Variants in CADPS2 observed in about 807,000 individuals in gnomAD.
CADPS2 encodes calcium dependent secretion activator 2.
CADPS2 carries 93 observed loss-of-function variants against 172.5 expected under a neutral mutation model. The observed-to-expected ratio is 0.54, with a 90% CI of 0.46 to 0.64. The LOEUF is 0.64. CADPS2 is among the 30% of genes least tolerant of loss of function. The probability of loss-of-function intolerance (pLI) is 0.00; values close to 1 mark genes in which losing one functional copy is unlikely to be tolerated. For missense variants in CADPS2, 1,420 were observed against 1,565.9 expected (o/e 0.91, Z 1.57); for synonymous variants, 546 against 555.2 (o/e 0.98, Z 0.23).
intron 8 of CADPS2, among the ~76,000 whole-genome samples, chr7:122,532,407 G>T (rs1051217197): frequency 6.2e-4 from 95 of 152,220 alleles, no homozygotes; most frequent in African/African-American, 2.0e-3. Flanking sequence ...TTTTTAAAGA[G>T]TTGGAAATAA....
At chr7:122,555,738 A>G (rs2064957621) in intron 7 of CADPS2, among the ~76,000 whole-genome samples, 1 of 152,142 alleles carries the variant, frequency 6.6e-6, no homozygotes, top group Non-Finnish European at 1.5e-5. Context: ...TAACAAAACT[A>G]AGTCCAGTCT....
chr7:122,434,045 A>T (rs1454318609), intron 17 of CADPS2, among the ~76,000 whole-genome samples: 2 of 152,204 alleles, frequency 1.3e-5, no homozygotes, highest in Admixed American at 6.5e-5. Flanking sequence ...CTGGAAAGCC[A>T]CGAACAACCC....
intron 9 of CADPS2, among the ~76,000 whole-genome samples, chr7:122,507,097 A>G (rs74823805): frequency 0.013 from 1,916 of 152,264 alleles, 45 homozygotes; most frequent in African/African-American, 0.04. Context: ...TAATAAACAT[A>G]TAAATGTAAA....
intron 2 of CADPS2, among the ~76,000 whole-genome samples, chr7:122,710,398 A>G (rs1022315544): frequency 6.6e-6 from 1 of 152,122 alleles, no homozygotes; most frequent in African/African-American, 2.4e-5. Context: ...ACAGTGTATT[A>G]AAGCACCAGG....
chr7:122,381,443 C>T (rs1585444654), intron 24 of CADPS2, among the ~76,000 whole-genome samples: 1 of 152,084 alleles, frequency 6.6e-6, no homozygotes, highest in African/African-American at 2.4e-5. Flanking sequence ...CATGCCTTAT[C>T]CCCAATGTTT....
chr7:122,623,816 A>G (rs1162005956), intron 4 of CADPS2, among the ~76,000 whole-genome samples: 1 of 152,210 alleles, frequency 6.6e-6, no homozygotes, highest in African/African-American at 2.4e-5. Flanking sequence ...TTTAACAAAG[A>G]AAAAGGCGAG....
At position 122,391,093 on chromosome 7, in the gene CADPS2, A is replaced by G. The variant is rs138836229; in HGVS notation, c.3008+2103T>C. 3.3e-3 allele frequency among the ~76,000 whole-genome samples: 499 copies of G among 152,206 alleles called. 3 individuals carry two copies. Among genetic ancestry groups the G allele is most frequent in the African/African-American group, 0.011 (466 of 41,560 alleles). On this transcript the variant is annotated intron_variant, in intron 22 of 29. Transcript: ENST00000449022. ...TTGTATTTTTAATTCTTTATGTTAA[A>G]TATAAATGTTTCTTTTTATTAATGT...
chr7:122,549,435 T>C (rs899605084), intron 8 of CADPS2, among the ~76,000 whole-genome samples: 2 of 151,956 alleles, frequency 1.3e-5, no homozygotes, highest in African/African-American at 4.8e-5. Context: ...CTCAAGACAT[T>C]CGTGTGATTG....
chr7:122,762,981 C>A (rs891559253), intron 1 of CADPS2, among the ~76,000 whole-genome samples: 18 of 151,934 alleles, frequency 1.2e-4, no homozygotes, highest in Non-Finnish European at 2.5e-4. Context: ...AGGAGGCCTG[C>A]GAAGGTGACC....
intron 1 of CADPS2, among the ~76,000 whole-genome samples, chr7:122,788,477 C>T (rs796129306): frequency 3.7e-4 from 57 of 152,306 alleles, no homozygotes; most frequent in African/African-American, 1.3e-3. Flanking sequence ...AATTGTGTGA[C>T]CCATTGACAC....
chr7:122,858,475 T>C (rs1387994863), intron 1 of CADPS2, among the ~76,000 whole-genome samples: 2 of 152,150 alleles, frequency 1.3e-5, no homozygotes, highest in African/African-American at 4.8e-5. Context: ...ACACCATCAT[T>C]TATAAACTGT....
intron 1 of CADPS2, among the ~76,000 whole-genome samples, chr7:122,834,243 T>C (rs1807532919): frequency 1.3e-5 from 2 of 152,148 alleles, no homozygotes; most frequent in Non-Finnish European, 2.9e-5. Flanking sequence ...AAGCCTAACC[T>C]TTGGGAAATT....
chr7:122,663,686 T>G (rs2080863135), intron 2 of CADPS2, 117 bp from the exon 3 acceptor site: 1 of 718,706 alleles, frequency 1.4e-6, no homozygotes, highest in Middle Eastern at 2.5e-4. Flanking sequence ...AGCCAAATAC[T>G]CCACAATGAT....
intron 14 of CADPS2, among the ~76,000 whole-genome samples, chr7:122,455,785 C>A (rs1297890441): frequency 1.3e-5 from 2 of 152,142 alleles, no homozygotes; most frequent in Non-Finnish European, 2.9e-5. Context: ...CAGCTCACTG[C>A]AAACTCCACC....
At chr7:122,517,946 C>CT (rs1386176452) in intron 8 of CADPS2, among the ~76,000 whole-genome samples, 2 of 151,974 alleles carry the variant, frequency 1.3e-5, no homozygotes, top group African/African-American at 4.8e-5. Flanking sequence ...CTTGGCATTG[C>CT]TGTTGAATTA....
At chr7:122,813,375 AT>A (rs933303859) in intron 1 of CADPS2, among the ~76,000 whole-genome samples, 3 of 152,104 alleles carry the variant, frequency 2.0e-5, no homozygotes, top group East Asian at 1.9e-4. Context: ...CAGTAATTAT[AT>A]TTTTTAATTA....
Position 122,554,556 on chromosome 7 carries a change from T to C in CADPS2, c.1469A>G (p.His490Arg). The change falls in exon 8 of 30, where the codon CAT becomes CGT. Residue 490 changes from histidine to arginine, a missense_variant. Transcript: ENST00000449022. The part of the protein sequence containing the change: ...VRMDKPAHMK[H>R]SGYLYALGQK... ...TCCTCAAATTTATACTCACCCACTA[T>C]GCTTCATATGTGCTGGTTTATCCAT... 6 of 1,592,602 alleles carry C rather than the reference T, an allele frequency of 3.8e-6. No individual in the cohort carries two copies. The South Asian group carries it at 6.9e-5, about 18-fold the overall frequency.
intron 7 of CADPS2, among the ~76,000 whole-genome samples, chr7:122,555,987 G>A (rs2064983821): frequency 1.3e-5 from 2 of 151,962 alleles, no homozygotes; most frequent in African/African-American, 4.8e-5. Context: ...TTCTCAACTT[G>A]CAAGTTGTTA....
intron 8 of CADPS2, among the ~76,000 whole-genome samples, chr7:122,525,806 T>C (rs2061182062): frequency 6.6e-6 from 1 of 152,182 alleles, no homozygotes; most frequent in South Asian, 2.1e-4. Flanking sequence ...AGAAATTAAC[T>C]GGGCTACATG....
Sources: allele counts gnomAD v4.1 joint callset (sites outside exome capture counted in the v4.1 genomes callset), GRCh38; gene constraint gnomAD v4.1.1; transcripts MANE v1.5; gene names NCBI Gene and HGNC (gene_info 2026-07-23, HGNC 2026-07-21).